The following ZNF454 variants were observed in gnomAD, a reference collection of about 807,000 sequenced individuals.
The protein encoded by ZNF454 is zinc finger protein 454.
In ZNF454, 30 loss-of-function variants were observed where a neutral mutation model predicts 48.2. The observed-to-expected ratio is 0.62, with a 90% CI of 0.47 to 0.84. ZNF454 has a LOEUF of 0.84. Among genes scored for constraint, ZNF454 ranks in the 40% least tolerant of loss-of-function variants. The probability of loss-of-function intolerance (pLI) is 0.00; values close to 1 mark genes in which losing one functional copy is unlikely to be tolerated. For missense variants in ZNF454, 510 were observed against 623.1 expected, an observed-to-expected ratio of 0.82 and a Z score of 1.93; for synonymous variants, 204 against 211.4, an observed-to-expected ratio of 0.97 and a Z score of 0.30.
At chr5:178,970,319 A>T (rs901686542), downstream of ZNF454, among the ~76,000 whole-genome samples, 1 of 152,090 alleles carries the variant, frequency 6.6e-6, no homozygotes, top group African/African-American at 2.4e-5. Context: ...TCGCAGTGGG[A>T]GGGCTCCCTG....
At chr5:178,970,017 G>C (rs1346464580), downstream of ZNF454, among the ~76,000 whole-genome samples, 1 of 152,094 alleles carries the variant, frequency 6.6e-6, no homozygotes, top group Non-Finnish European at 1.5e-5. Context: ...CCCTCTCTAA[G>C]ACGTTACCTT....
chr5:178,981,648 C>A, the ZNF454 span: 1 of 1,608,210 alleles, frequency 6.2e-7, no homozygotes, highest in Non-Finnish European at 8.5e-7. This position sits in a 1 kb window ranked among gnomAD's most constrained non-coding sequence, Gnocchi z 5.1. Context: ...CCCGTTCCCA[C>A]CTGCCCTGCT....
chr5:178,981,329 CA>C, the ZNF454 span: 1 of 300,686 alleles, frequency 3.3e-6, no homozygotes, highest in Non-Finnish European at 6.3e-6. This position sits in a 1 kb window ranked among gnomAD's most constrained non-coding sequence, Gnocchi z 5.1. Context: ...GCAAACCAGG[CA>C]AAGCCCAGGG....
chr5:178,969,290 C>T, downstream of ZNF454: 1 of 377,164 alleles, frequency 2.7e-6, no homozygotes, highest in Non-Finnish European at 5.3e-6. Flanking sequence ...TTCTGAGGAC[C>T]CTGCAGTAAG....
rs1759355711 is a variant in ZNF454 at position 178,946,837 on chromosome 5, A to G, written c.161-60A>G. The G allele has an allele frequency of 2.0e-6, 3 of 1,471,576 alleles. No individual in the cohort carries two copies. The East Asian group carries it at 6.8e-5, about 33-fold the overall frequency. The allele number at this position is 1,471,576 out of a possible 1,614,324, so 91.2% of individuals were successfully genotyped here. Reference sequence around the variant, plus strand: ...TCTGAGGACCAGGCTTTGTCTTTGCAGTGATTTTTATCTCTCGTATAAACA... The same window carrying G: ...TCTGAGGACCAGGCTTTGTCTTTGCGGTGATTTTTATCTCTCGTATAAACA... On this transcript the variant is annotated intron_variant, in intron 3 of 4. Transcript: ENST00000519564. The surrounding 1 kb of genome is among the most constrained non-coding windows in gnomAD (Gnocchi z 4.5).
At chr5:178,975,634 T>C in the ZNF454 span, 4 of 368,068 alleles carry the variant, frequency 1.1e-5, no homozygotes, top group Admixed American at 6.1e-5. Context: ...CCCGAGTAAA[T>C]TAAAGTCCTT....
chr5:178,986,387 G>A, the ZNF454 span: 1 of 1,614,012 alleles, frequency 6.2e-7, no homozygotes, highest in Non-Finnish European at 8.5e-7. Context: ...ACGTAGCTGA[G>A]CTCTCGGCCC....
At chr5:178,983,040 GC>G in the ZNF454 span, 1 of 1,613,948 alleles carries the variant, frequency 6.2e-7, no homozygotes, top group African/African-American at 1.3e-5. Flanking sequence ...GGCCTTGATG[GC>G]GTACACTGTG....
the ZNF454 span, chr5:178,986,962 A>G: frequency 1.2e-6 from 2 of 1,613,956 alleles, no homozygotes; most frequent in African/African-American, 2.7e-5. Flanking sequence ...CTCGTTGAAC[A>G]TCACAGGGGT....
chr5:178,962,863 G>A (rs1760043254), intron 4 of ZNF454, among the ~76,000 whole-genome samples: 1 of 151,694 alleles, frequency 6.6e-6, no homozygotes, highest in Non-Finnish European at 1.5e-5. Context: ...TCTTAGTCCA[G>A]CCAAGGCCTG....
At chr5:178,970,817 C>G (rs1360417065), downstream of ZNF454, among the ~76,000 whole-genome samples, 1 of 152,174 alleles carries the variant, frequency 6.6e-6, no homozygotes, top group Non-Finnish European at 1.5e-5. Flanking sequence ...GTACAAGTTG[C>G]ATTTTTGTCA....
the ZNF454 span, chr5:178,983,189 C>G: frequency 1.2e-6 from 2 of 1,613,076 alleles, no homozygotes; most frequent in Admixed American, 3.3e-5. Context: ...TGTGTGGGGG[C>G]CGGGCCCCCA....
chr5:178,986,491 G>A, the ZNF454 span: 1,040 of 1,610,612 alleles, frequency 6.5e-4, 2 homozygotes, highest in Admixed American at 1.1e-3. Context: ...GAGGAGCGGC[G>A]GGGCTGCCCA....
chr5:178,964,445 C>T (rs897191338), intron 4 of ZNF454, among the ~76,000 whole-genome samples: 3 of 152,122 alleles, frequency 2.0e-5, no homozygotes, highest in Non-Finnish European at 4.4e-5. Context: ...GATCATGCTT[C>T]CAAGCTCTCC....
chr5:178,972,245 T>C, the ZNF454 span, among the ~76,000 whole-genome samples: 1 of 152,288 alleles, frequency 6.6e-6, no homozygotes, highest in East Asian at 1.9e-4. Flanking sequence ...AAATATAATA[T>C]ACAGAAAAAT....
chr5:178,957,178 G>A (rs555709237), intron 4 of ZNF454, among the ~76,000 whole-genome samples: 2 of 144,504 alleles, frequency 1.4e-5, no homozygotes, highest in South Asian at 4.8e-4. Context: ...CACCGCGCCC[G>A]GCCCAGTCTT....
In ZNF454 at chr5:178,966,085, T is replaced by C. The variant is rs937396286; in HGVS notation, c.*112T>C. The C allele has an allele frequency of 1.0e-6, 1 of 1,003,638 alleles. No individual in the cohort carries two copies. Among genetic ancestry groups the C allele is most frequent in the Non-Finnish European group, 1.5e-6 (1 of 687,744 alleles). The allele number at this position is 1,003,638 out of a possible 1,614,324, so 62.2% of individuals were successfully genotyped here. A position where few individuals can be genotyped will look rare whatever the true frequency, so the allele number is the denominator to read the frequency against. On this transcript the variant is annotated 3_prime_UTR_variant, in exon 5 of 5. Coordinates refer to ENST00000519564, the MANE Select transcript of ZNF454 (RefSeq NM_001178089.3). ...AAAGCTTGCATCAAGATAGTCACTTTATTTACTGAGGGTCAGGTTTCACAG... is the reference window on the plus strand; with the variant it reads ...AAAGCTTGCATCAAGATAGTCACTTCATTTACTGAGGGTCAGGTTTCACAG...
At chr5:178,945,455 G>A (rs1759290761) in intron 2 of ZNF454, among the ~76,000 whole-genome samples, 1 of 149,354 alleles carries the variant, frequency 6.7e-6, no homozygotes, top group Non-Finnish European at 1.5e-5. Flanking sequence ...TGTGAATGTG[G>A]GGGGGGTGTG....
rs766675892 is a variant in ZNF454, at chr5:178,946,425, G to A, written c.100G>A (p.Ala34Thr). 38 of 1,612,814 alleles carry A rather than the reference G, an allele frequency of 2.4e-5. No homozygotes were observed. The highest frequency in any genetic ancestry group is 4.0e-5 in the African/African-American group (3 of 74,842). The change falls in exon 3 of 5, where the codon GCC becomes ACC. Residue 34 changes from alanine (A) to threonine (T), a missense_variant. Transcript: ENST00000519564. The surrounding 1 kb of genome is among the most constrained non-coding windows in gnomAD (Gnocchi z 4.5). Reference protein sequence around the residue: ...TQEEWGQLSPAQRALYRDVML... With the variant: ...TQEEWGQLSPTQRALYRDVML... Reference sequence around the variant, plus strand: ...GGAAGAGTGGGGGCAGCTGAGCCCCGCCCAGAGGGCCCTGTACAGGGACGT... The same window carrying A: ...GGAAGAGTGGGGGCAGCTGAGCCCCACCCAGAGGGCCCTGTACAGGGACGT...
Sources: gnomAD v4.1 joint callset for allele counts (sites outside exome capture counted in the v4.1 genomes callset) on GRCh38, gnomAD v4.1.1 for gene constraint, Gnocchi (gnomAD v3.1) non-coding constraint, MANE v1.5 for transcripts, NCBI Gene and HGNC (gene_info 2026-07-23, HGNC 2026-07-21) for gene names.